The following GALNT14 variants were observed in gnomAD, a reference collection of about 807,000 sequenced individuals.
GALNT14 encodes UDP-GalNAc:polypeptide N-acetylgalactosaminyltransferase 14.
In GALNT14, 60 loss-of-function variants were observed where a neutral mutation model predicts 77.5. The ratio of observed to expected loss-of-function variants is 0.77; its 90% confidence interval spans 0.63 to 0.96. GALNT14 has a LOEUF of 0.96. GALNT14 is among the 40% of genes least tolerant of loss of function. The pLI, the probability that GALNT14 is intolerant of heterozygous loss-of-function variation, is 0.00. For synonymous variants in GALNT14, 280 were observed against 281.7 expected (o/e 0.99, Z 0.06); for missense variants, 710 against 731.0 (o/e 0.97, Z 0.33).
Position 30,910,736 on chromosome 2 carries a change from C to T in GALNT14, c.*165G>A, listed in dbSNP as rs865883627. 1 of 654,138 alleles carries T rather than the reference C, an allele frequency of 1.5e-6. No individual in the cohort carries two copies. The highest frequency in any genetic ancestry group is 2.5e-6 in the Non-Finnish European group (1 of 395,078). 40.5% of individuals were successfully genotyped at this position (654,138 alleles called of 1,614,324 possible). ...GAGCCCCATTGGCTTGTGATGTTTT[C>T]CTCTGTCCTCCCTGAGACAGTTGCT... is the stretch of plus-strand genomic sequence containing the variant. On this transcript the variant is annotated 3_prime_UTR_variant, in exon 15 of 15. Coordinates refer to ENST00000349752, the MANE Select transcript of GALNT14 (RefSeq NM_024572.4).
intron 1 of GALNT14, among the ~76,000 whole-genome samples, chr2:31,106,234 A>T (rs922828989): frequency 1.3e-5 from 2 of 152,212 alleles, no homozygotes; most frequent in African/African-American, 4.8e-5. Flanking sequence ...CTTTTAGATC[A>T]TGAAAGCCTT....
chr2:30,895,609 G>C, the GALNT14 span, among the ~76,000 whole-genome samples: 5 of 152,084 alleles, frequency 3.3e-5, no homozygotes, highest in African/African-American at 1.2e-4. Flanking sequence ...GGAAGCAAAT[G>C]TGGGCTCCTG....
At chr2:30,887,432 G>C in the GALNT14 span, among the ~76,000 whole-genome samples, 1 of 151,854 alleles carries the variant, frequency 6.6e-6, no homozygotes, top group Non-Finnish European at 1.5e-5. Context: ...CTAGTGCATG[G>C]TATCTCATGG....
In GALNT14 at chr2:30,924,225, C is replaced by T. The variant is rs955498267; in HGVS notation, c.1274G>A (p.Arg425Gln). Residue 425 changes from arginine (R) to glutamine (Q), a missense_variant, in exon 13 of 15, where the codon CGA becomes CAA. Transcript: ENST00000349752. ...AGATTCCAGGCACTTCTGTCTCTGTCGGATATTGCCCTTCTGGATGGAGGA... is the reference window on the plus strand; with the variant it reads ...AGATTCCAGGCACTTCTGTCTCTGTTGGATATTGCCCTTCTGGATGGAGGA... Reference protein sequence around the residue: ...KESSIQKGNIRQRQKCLESQR... With the variant: ...KESSIQKGNIQQRQKCLESQR... The T allele has an allele frequency of 1.9e-5, 30 of 1,614,016 alleles. No individual in the cohort carries two copies. Among genetic ancestry groups the T allele is most frequent in the East Asian group, 1.6e-4 (7 of 44,894 alleles).
intron 9 of GALNT14, among the ~76,000 whole-genome samples, chr2:30,938,760 C>T (rs1666206651): frequency 1.3e-5 from 2 of 152,186 alleles, no homozygotes; most frequent in South Asian, 4.1e-4. Context: ...AGGGCAAGGG[C>T]CATGTGCTAT....
chr2:30,936,932 A>C (rs963308603), intron 9 of GALNT14, among the ~76,000 whole-genome samples: 1 of 152,188 alleles, frequency 6.6e-6, no homozygotes, highest in African/African-American at 2.4e-5. Context: ...GATGGGACTC[A>C]ATTACACGTA....
chr2:30,890,855 G>T, the GALNT14 span, among the ~76,000 whole-genome samples: 3 of 152,220 alleles, frequency 2.0e-5, no homozygotes, highest in Admixed American at 6.5e-5. Flanking sequence ...AGTGGGGAAA[G>T]ATATTAGGAC....
At chr2:30,951,010 TC>T (rs1255259026) in intron 6 of GALNT14, among the ~76,000 whole-genome samples, 3 of 151,984 alleles carry the variant, frequency 2.0e-5, no homozygotes, top group African/African-American at 7.3e-5. Context: ...AGCCTGGGGG[TC>T]CCTGCAGGTT....
intron 1 of GALNT14, among the ~76,000 whole-genome samples, chr2:31,102,279 T>C (rs1677318779): frequency 1.3e-5 from 2 of 152,172 alleles, no homozygotes; most frequent in South Asian, 2.1e-4. Flanking sequence ...CTTTTGTGTA[T>C]ATATTTAAGC....
intron 1 of GALNT14, among the ~76,000 whole-genome samples, chr2:31,045,394 C>A (rs1673377022): frequency 6.6e-6 from 1 of 152,162 alleles, no homozygotes; most frequent in Admixed American, 6.5e-5. Flanking sequence ...TTTTCAACTT[C>A]TTTTTTTGGA....
At chr2:30,986,720 T>C (rs926224583) in intron 2 of GALNT14, among the ~76,000 whole-genome samples, 2 of 152,202 alleles carry the variant, frequency 1.3e-5, no homozygotes, top group Non-Finnish European at 2.9e-5. Flanking sequence ...CAGCTGGAAG[T>C]TGTCTCTTCC....
intron 3 of GALNT14, among the ~76,000 whole-genome samples, chr2:30,958,883 A>G (rs1667522716): frequency 6.6e-6 from 1 of 152,212 alleles, no homozygotes; most frequent in Non-Finnish European, 1.5e-5. Flanking sequence ...CGTGGTCTCC[A>G]GAGCGAACTT....
At chr2:30,961,653 G>T (rs1204524814) in intron 3 of GALNT14, among the ~76,000 whole-genome samples, 8 of 151,632 alleles carry the variant, frequency 5.3e-5, no homozygotes, top group Non-Finnish European at 1.0e-4. Context: ...AAATTCTTGG[G>T]CCCCACTCTA....
At chr2:30,917,076 C>CAAAAAAAAAAAAAAAAAAAAAAAA (rs529653696) in intron 13 of GALNT14, among the ~76,000 whole-genome samples, 1 of 19,892 alleles carries the variant, frequency 5.0e-5, no homozygotes, top group Non-Finnish European at 9.3e-5. Context: ...GACTCCGTCT[C>CAAAAAAAAAAAAAAAAAAAAAAAA]AAAAAAAAAA....
At chr2:30,913,864 C>T (rs1664516375) in intron 13 of GALNT14, among the ~76,000 whole-genome samples, 1 of 152,200 alleles carries the variant, frequency 6.6e-6, no homozygotes, top group African/African-American at 2.4e-5. Flanking sequence ...GTTCTTTATA[C>T]TATTCGACTT....
At chr2:31,038,084 A>ATTTTTTTTTT (rs1196402402) in intron 1 of GALNT14, among the ~76,000 whole-genome samples, 2 of 52,648 alleles carry the variant, frequency 3.8e-5, no homozygotes, top group Admixed American at 2.8e-4. Context: ...ATATATATAT[A>ATTTTTTTTTT]TTTTTTTTTT....
chr2:30,927,829 G>C (rs1186798507), intron 11 of GALNT14, among the ~76,000 whole-genome samples: 1 of 152,186 alleles, frequency 6.6e-6, no homozygotes, highest in Non-Finnish European at 1.5e-5. Flanking sequence ...AGGCCTTGCT[G>C]AGACTGACGA....
At chr2:30,919,796 G>A (rs1373509114) in intron 13 of GALNT14, among the ~76,000 whole-genome samples, 1 of 152,208 alleles carries the variant, frequency 6.6e-6, no homozygotes, top group Non-Finnish European at 1.5e-5. Context: ...AATGGGGACA[G>A]GCAAGACAGG....
At chr2:31,078,830 T>C (rs1675976781) in intron 1 of GALNT14, 3 of 989,592 alleles carry the variant, frequency 3.0e-6, no homozygotes, top group African/African-American at 1.7e-5. Flanking sequence ...AGGGGCGAGA[T>C]ATAGGCCTGG....
Sources: allele counts gnomAD v4.1 joint callset (sites outside exome capture counted in the v4.1 genomes callset), GRCh38; gene constraint gnomAD v4.1.1; transcripts MANE v1.5; gene names NCBI Gene and HGNC (gene_info 2026-07-23, HGNC 2026-07-21).